GALNTL6: variants seen among roughly 807,000 people sequenced by gnomAD.
GALNTL6 encodes polypeptide N-acetylgalactosaminyltransferase-like 6.
Under a neutral mutation model 73.7 loss-of-function variants are expected in GALNTL6, and 46 were observed. The ratio of observed to expected loss-of-function variants is 0.62; its 90% confidence interval spans 0.49 to 0.80. The LOEUF (loss-of-function observed/expected upper bound fraction) is 0.80, where lower values mean the gene tolerates loss of function less well. Among genes scored for constraint, GALNTL6 ranks in the 30% least tolerant of loss-of-function variants. The pLI is 0.00. For missense variants in GALNTL6, 604 were observed against 755.0 expected, an observed-to-expected ratio of 0.80 and a Z score of 2.34; for synonymous variants, 259 against 263.7, an observed-to-expected ratio of 0.98 and a Z score of 0.17.
chr4:172,266,778 T>A (rs1738467463), intron 3 of GALNTL6, among the ~76,000 whole-genome samples: 1 of 152,152 alleles, frequency 6.6e-6, no homozygotes, highest in South Asian at 2.1e-4. Flanking sequence ...ATTTCTGAGG[T>A]TATTCCATTA....
intron 2 of GALNTL6, among the ~76,000 whole-genome samples, chr4:171,890,027 A>G (rs910190133): frequency 9.9e-5 from 15 of 152,204 alleles, no homozygotes; most frequent in African/African-American, 3.6e-4. Context: ...TTCATTTAAA[A>G]TTAATTTCAA....
intron 12 of GALNTL6, 38 bp from the exon 13 acceptor site, chr4:173,039,895 A>G: frequency 6.5e-7 from 1 of 1,547,200 alleles, no homozygotes; most frequent in Non-Finnish European, 8.8e-7. Flanking sequence ...TTCACCACGT[A>G]TTACAACAGT....
chr4:172,982,629 C>T (rs1390092758), intron 10 of GALNTL6, among the ~76,000 whole-genome samples: 4 of 152,038 alleles, frequency 2.6e-5, no homozygotes, highest in African/African-American at 9.7e-5. Context: ...ACTACTGACT[C>T]ACTATAAATT....
intron 2 of GALNTL6, among the ~76,000 whole-genome samples, chr4:172,206,716 G>A (rs1018987133): frequency 6.6e-6 from 1 of 151,330 alleles, no homozygotes; most frequent in Non-Finnish European, 1.5e-5. Flanking sequence ...CAGATGCAAA[G>A]TCCCTGAGTC....
intron 2 of GALNTL6, among the ~76,000 whole-genome samples, chr4:172,166,410 C>T (rs1734626778): frequency 1.3e-5 from 2 of 151,814 alleles, no homozygotes; most frequent in African/African-American, 4.8e-5. Flanking sequence ...CACATTGCTG[C>T]ACTCCAGCCT....
chr4:172,213,837 C>T (rs13123878), intron 2 of GALNTL6, among the ~76,000 whole-genome samples: 2,185 of 152,068 alleles, frequency 0.014, 56 homozygotes, highest in African/African-American at 0.05. Context: ...TTATGGACTG[C>T]GCTTTTGTAT....
At chr4:172,138,019 G>T (rs1192565028) in intron 2 of GALNTL6, among the ~76,000 whole-genome samples, 1 of 152,144 alleles carries the variant, frequency 6.6e-6, no homozygotes, top group Admixed American at 6.6e-5. Flanking sequence ...GAGCAGATGA[G>T]CTGCTGCGGA....
At chr4:172,405,201 C>G (rs1744164470) in intron 5 of GALNTL6, among the ~76,000 whole-genome samples, 1 of 151,666 alleles carries the variant, frequency 6.6e-6, no homozygotes, top group Admixed American at 6.6e-5. Context: ...ACAAGAGGCT[C>G]TTTTAGACAC....
At chr4:172,470,598 C>T (rs1320924316) in intron 5 of GALNTL6, among the ~76,000 whole-genome samples, 1 of 152,092 alleles carries the variant, frequency 6.6e-6, no homozygotes, top group African/African-American at 2.4e-5. Flanking sequence ...CAATAAGTAG[C>T]ACAGCGCAAA....
chr4:171,987,373 A>T (rs1426485712), intron 2 of GALNTL6, among the ~76,000 whole-genome samples: 2 of 152,178 alleles, frequency 1.3e-5, no homozygotes, highest in African/African-American at 4.8e-5. Context: ...ATCAGACTGT[A>T]TAGAGATGGG....
intron 10 of GALNTL6, among the ~76,000 whole-genome samples, chr4:172,993,523 C>T (rs1751633315): frequency 1.3e-5 from 2 of 152,228 alleles, no homozygotes; most frequent in African/African-American, 4.8e-5. Flanking sequence ...GGTTACATTA[C>T]AGACCACTGC....
chr4:172,052,534 A>G, intron 2 of GALNTL6: 1 of 1,527,356 alleles, frequency 6.5e-7, no homozygotes. Context: ...TTTACCAGGT[A>G]ACCGGTAAAA....
At chr4:172,724,755 A>G (rs536868145) in intron 5 of GALNTL6, among the ~76,000 whole-genome samples, 2 of 152,294 alleles carry the variant, frequency 1.3e-5, no homozygotes, top group Non-Finnish European at 2.9e-5. Context: ...AATAGACCCA[A>G]AGTTTGGGGA....
chr4:172,131,488 T>C (rs1470122884), intron 2 of GALNTL6, among the ~76,000 whole-genome samples: 3 of 147,538 alleles, frequency 2.0e-5, no homozygotes, highest in Non-Finnish European at 3.0e-5. Flanking sequence ...TGTATATATA[T>C]ACATATATAT....
At chr4:172,057,508 G>A (rs998556631) in intron 2 of GALNTL6, among the ~76,000 whole-genome samples, 4 of 147,974 alleles carry the variant, frequency 2.7e-5, no homozygotes, top group African/African-American at 7.5e-5. Flanking sequence ...GGGCAACATA[G>A]TGAGAGCTTG....
At chr4:171,885,658 T>C (rs2110918278) in intron 2 of GALNTL6, among the ~76,000 whole-genome samples, 1 of 151,852 alleles carries the variant, frequency 6.6e-6, no homozygotes, top group Admixed American at 6.6e-5. Flanking sequence ...ATAAAAATAT[T>C]AACCTAGCAC....
chr4:173,024,922 G>T (rs530546504), intron 12 of GALNTL6, among the ~76,000 whole-genome samples: 1 of 152,230 alleles, frequency 6.6e-6, no homozygotes, highest in South Asian at 2.1e-4. Flanking sequence ...TAAGGAATAA[G>T]ATCAATATTT....
At chr4:171,891,388 T>G (rs1736758621) in intron 2 of GALNTL6, among the ~76,000 whole-genome samples, 1 of 152,198 alleles carries the variant, frequency 6.6e-6, no homozygotes, top group Non-Finnish European at 1.5e-5. Context: ...CTATGCAGCC[T>G]TGAAGAATCT....
chr4:172,605,965 G>A (rs960357293), intron 5 of GALNTL6, among the ~76,000 whole-genome samples: 8 of 151,900 alleles, frequency 5.3e-5, no homozygotes, highest in Non-Finnish European at 1.0e-4. Context: ...CTTGCATAAG[G>A]TGTGAATTCC....
Sources: gnomAD v4.1 joint callset for allele counts (sites outside exome capture counted in the v4.1 genomes callset) on GRCh38, gnomAD v4.1.1 for gene constraint, MANE v1.5 for transcripts, NCBI Gene and HGNC (gene_info 2026-07-23, HGNC 2026-07-21) for gene names.